Variants in ZP2 observed in about 807,000 individuals in gnomAD.
ZP2 encodes the protein zona pellucida glycoprotein 2.
A neutral mutation model predicts 84.0 loss-of-function variants in ZP2; 51 were observed. That is an observed-to-expected ratio of 0.61 (90% CI 0.49 to 0.77). ZP2 has a LOEUF of 0.77. Ranked by LOEUF, ZP2 falls within the 30% of genes least tolerant of loss-of-function variation. The pLI is 0.00. For synonymous variants in ZP2, 375 were observed against 330.9 expected (o/e 1.13, Z -1.45); for missense variants, 909 against 911.9 (o/e 1.00, Z 0.04).
intron 10 of ZP2, among the ~76,000 whole-genome samples, chr16:21,202,879 C>T (rs11643862): frequency 1.3e-5 from 2 of 152,144 alleles, no homozygotes; most frequent in African/African-American, 4.8e-5. Context: ...GTTCAGGCTC[C>T]TAAGCCAAAA....
intron 10 of ZP2, 94 bp from the exon 11 acceptor site, chr16:21,202,385 T>A (rs2093230400): frequency 8.5e-7 from 1 of 1,172,388 alleles, no homozygotes; most frequent in African/African-American, 1.6e-5. Flanking sequence ...GAAATTCTAA[T>A]TTAGCAGGAG....
intron 9 of ZP2, chr16:21,203,784 T>TAAGACTTAGA: frequency 1.8e-6 from 1 of 558,170 alleles, no homozygotes; most frequent in South Asian, 2.1e-5. Context: ...TAGACAGTTT[T>TAAGACTTAGA]AAGACTTAGA....
chr16:21,202,511 G>T (rs532020967), intron 10 of ZP2, among the ~76,000 whole-genome samples: 11 of 152,268 alleles, frequency 7.2e-5, no homozygotes, highest in African/African-American at 2.4e-4. Flanking sequence ...TCATCCAAAG[G>T]AGGGACCAGT....
At chr16:21,210,235 G>A in intron 2 of ZP2, 43 bp from the exon 3 acceptor site, 1 of 1,486,378 alleles carries the variant, frequency 6.7e-7, no homozygotes. Flanking sequence ...AGTCATGAGT[G>A]ATGCAACTCC....
rs2093253040 is a variant in ZP2 at position 21,207,002 on chromosome 16, T to C, written c.331-12A>G. The C allele has an allele frequency of 6.2e-7, 1 of 1,614,034 alleles. No individual in the cohort carries two copies. The highest frequency in any genetic ancestry group is 1.3e-5 in the African/African-American group (1 of 75,038). On this transcript the variant is annotated splice_polypyrimidine_tract_variant and intron_variant, in intron 4 of 18. Transcript: ENST00000574091. ...TGGTGTCCACCATGCTGTGTACAGATAGCACAGTGGGAACAGAGTAAGTAC... is the reference window on the plus strand; with the variant it reads ...TGGTGTCCACCATGCTGTGTACAGACAGCACAGTGGGAACAGAGTAAGTAC...
rs1313447810 is a variant in ZP2, at chr16:21,204,377, A to G, written c.721T>C (p.Ser241Pro). The G allele has an allele frequency of 1.9e-6, 3 of 1,614,052 alleles. No individual in the cohort carries two copies. The highest frequency in any genetic ancestry group is 2.5e-6 in the Non-Finnish European group (3 of 1,179,940). ...VQGNSHLYMV[S>P]LKLTFISPGQ... ...GGAGATATAAATGTAAGCTTCAGAG[A>G]CACCATGTAGAGATGACTGTTACCT... is the stretch of plus-strand genomic sequence containing the variant. Residue 241 changes from serine to proline, a missense_variant, in exon 8 of 19, where the codon TCT (serine) becomes CCT (proline). Coordinates refer to ENST00000574091, the MANE Select transcript of ZP2 (RefSeq NM_001376232.1).
intron 6 of ZP2, 51 bp from the exon 7 acceptor site, chr16:21,205,635 T>C (rs1354849549): frequency 6.2e-7 from 1 of 1,612,492 alleles, no homozygotes; most frequent in Admixed American, 1.7e-5. Flanking sequence ...TAACCAAGTC[T>C]CTGGTAGTCT....
chr16:21,211,244 T>G, intron 2 of ZP2, 63 bp downstream of exon 2: 1 of 1,467,138 alleles, frequency 6.8e-7, no homozygotes, highest in East Asian at 2.3e-5. Flanking sequence ...CTTGGCCAGC[T>G]AGGCCTTCCA....
At chr16:21,211,281 A>C (rs998653307) in intron 2 of ZP2, 26 bp downstream of exon 2, 4 of 1,607,108 alleles carry the variant, frequency 2.5e-6, no homozygotes, top group South Asian at 2.2e-5. Context: ...TCTGCTAAGA[A>C]GACTTCTGTC....
intron 14 of ZP2, among the ~76,000 whole-genome samples, chr16:21,201,094 G>C (rs1468672020): frequency 6.6e-6 from 1 of 152,052 alleles, no homozygotes; most frequent in Non-Finnish European, 1.5e-5. Context: ...AGCTACCCAG[G>C]AGGCTGAGGT....
intron 4 of ZP2, among the ~76,000 whole-genome samples, chr16:21,208,146 G>A (rs1338399179): frequency 6.6e-6 from 1 of 152,172 alleles, no homozygotes; most frequent in South Asian, 2.1e-4. Flanking sequence ...GAGCCCAGCA[G>A]TTCTAGGCTG....
chr16:21,198,979 T>TGC, intron 16 of ZP2, 117 bp from the exon 17 acceptor site: 2 of 978,752 alleles, frequency 2.0e-6, no homozygotes, highest in South Asian at 2.8e-5. Flanking sequence ...TGGTTTGTCT[T>TGC]GCCTTTGCAG....
chr16:21,199,853 G>C lies in ZP2; in HGVS notation c.1720C>G (p.Gln574Glu). ...DGCAYDLDNY[Q>E]TTFHPVGSSV... is the part of the protein sequence containing the mutation. The stretch of plus-strand genomic sequence containing the variant: ...GAGCCGACTGGATGGAAGGTGGTCT[G>C]GTAGTTGTCCAGGTCATATGCACAG... The change falls in exon 15 of 19, where the codon CAG becomes GAG. Residue 574 changes from glutamine (Q) to glutamate (E), a missense_variant. By Grantham distance (29) the Gln-to-Glu change is conservative (BLOSUM62 2). Transcript: ENST00000574091. 1.2e-6 allele frequency: 2 copies of C among 1,612,812 alleles called. No individual in the cohort carries two copies. Among genetic ancestry groups the C allele is most frequent in the South Asian group, 1.1e-5 (1 of 91,006 alleles).
At position 21,201,440 on chromosome 16, in the gene ZP2, G is replaced by A. The variant is rs1333569682; in HGVS notation, c.1623C>T (p.Val541=). The change falls in exon 14 of 19, where the codon GTC becomes GTT. Residue 541 remains valine (V), a synonymous_variant. Coordinates refer to ENST00000574091, the MANE Select transcript of ZP2 (RefSeq NM_001376232.1). ...TGGACGTCGCCCAGCAGTCATCTAAGACCAGCTTGATGTTGGGGTCATCCC... is the reference window on the plus strand; with the variant it reads ...TGGACGTCGCCCAGCAGTCATCTAAAACCAGCTTGATGTTGGGGTCATCCC... ...LNRDDPNIKL[V]LDDCWATSTM... is the part of the protein sequence containing the mutation. 3 of 1,613,062 alleles carry A rather than the reference G, an allele frequency of 1.9e-6. No individual in the cohort carries two copies. Among genetic ancestry groups the A allele is most frequent in the Non-Finnish European group, 1.7e-6 (2 of 1,179,670 alleles).
At chr16:21,214,201 C>T (rs1222251172), upstream of ZP2, 4 of 981,234 alleles carry the variant, frequency 4.1e-6, no homozygotes, top group Non-Finnish European at 4.8e-6. Flanking sequence ...GGTATGTGCA[C>T]CAGAGATTAA....
chr16:21,198,400 AG>A (rs1555458067), intron 17 of ZP2, among the ~76,000 whole-genome samples: 3 of 150,296 alleles, frequency 2.0e-5, no homozygotes, highest in African/African-American at 7.6e-5. Flanking sequence ...TATCTCAAAA[AG>A]AAAAAAAGAA....
intron 14 of ZP2, among the ~76,000 whole-genome samples, chr16:21,200,819 C>T (rs896519447): frequency 1.3e-5 from 2 of 152,158 alleles, no homozygotes; most frequent in Admixed American, 6.5e-5. Flanking sequence ...GGCTAGAGAC[C>T]AGTCTTTCCA....
At chr16:21,198,523 T>C (rs2093210107) in intron 17 of ZP2, among the ~76,000 whole-genome samples, 1 of 152,132 alleles carries the variant, frequency 6.6e-6, no homozygotes, top group African/African-American at 2.4e-5. Flanking sequence ...TTTGTACAGA[T>C]ATAAGGTAGA....
intron 14 of ZP2, among the ~76,000 whole-genome samples, chr16:21,200,614 C>T (rs1177348585): frequency 6.6e-6 from 1 of 152,198 alleles, no homozygotes; most frequent in African/African-American, 2.4e-5. Flanking sequence ...TGGCTGCAAC[C>T]TCAGAGCATC....
Sources: gnomAD v4.1 joint callset for allele counts (sites outside exome capture counted in the v4.1 genomes callset) on GRCh38, gnomAD v4.1.1 for gene constraint, MANE v1.5 for transcripts, NCBI Gene and HGNC (gene_info 2026-07-23, HGNC 2026-07-21) for gene names.